The following CEP128 variants were observed in gnomAD, a reference collection of about 807,000 sequenced individuals.
CEP128 encodes centrosomal protein 128kDa.
In CEP128, 132 loss-of-function variants were observed where a neutral mutation model predicts 156.7. The observed-to-expected ratio is 0.84, with a 90% confidence interval of 0.73 to 0.97. The LOEUF is 0.97. Among genes scored for constraint, CEP128 ranks in the 50% least tolerant of loss-of-function variants. The pLI is 0.00. For synonymous variants in CEP128, 469 were observed against 448.9 expected (o/e 1.04, Z -0.57); for missense variants, 1,252 against 1,281.9 (o/e 0.98, Z 0.36).
At chr14:80,851,579 A>G (rs1336577515) in intron 9 of CEP128, among the ~76,000 whole-genome samples, 1 of 152,076 alleles carries the variant, frequency 6.6e-6, no homozygotes, top group Non-Finnish European at 1.5e-5. Context: ...AGCAAACAGA[A>G]AGTATAAAAA....
intron 4 of CEP128, among the ~76,000 whole-genome samples, chr14:80,908,894 T>C (rs947465017): frequency 6.6e-6 from 1 of 152,210 alleles, no homozygotes; most frequent in African/African-American, 2.4e-5. Flanking sequence ...TGAAGGCTGG[T>C]CTATTTTCAG....
chr14:80,722,849 G>A lies in CEP128; in HGVS notation c.2806+20226C>T, dbSNP rs1466131936. ...TTTTTTTTTTTTTTTTTTTTGAGACGGGAGTCTTGCTCTGTCGCCCAGGCT... is the reference window on the plus strand; with the variant it reads ...TTTTTTTTTTTTTTTTTTTTGAGACAGGAGTCTTGCTCTGTCGCCCAGGCT... On this transcript the variant is annotated intron_variant, in intron 19 of 24. Coordinates refer to ENST00000555265, the MANE Select transcript of CEP128 (RefSeq NM_152446.5). Among the ~76,000 whole-genome samples the A allele has an allele frequency of 2.8e-5, 4 of 142,386 alleles. No homozygotes were observed. In the Admixed American group the frequency reaches 3.0e-4, roughly 11 times the overall value. 93.4% of individuals were successfully genotyped at this position (142,386 alleles called of 152,430 possible). A position where few individuals can be genotyped will look rare whatever the true frequency, so the allele number is the denominator to read the frequency against.
intron 15 of CEP128, 152 bp from the exon 16 acceptor site, chr14:80,778,198 T>C (rs1425330317): frequency 4.4e-6 from 3 of 679,202 alleles, no homozygotes; most frequent in Non-Finnish European, 7.3e-6. Context: ...ACAAAGGAAA[T>C]GTTCTTTGCA....
chr14:80,515,575 G>A (rs1266548069), intron 23 of CEP128, among the ~76,000 whole-genome samples: 5 of 152,152 alleles, frequency 3.3e-5, no homozygotes, highest in African/African-American at 9.7e-5. Flanking sequence ...TCAGGTTGCG[G>A]TGAATGCTGC....
chr14:80,644,522 T>C (rs1894556371), intron 19 of CEP128, among the ~76,000 whole-genome samples: 1 of 152,196 alleles, frequency 6.6e-6, no homozygotes, highest in Non-Finnish European at 1.5e-5. Context: ...GTTTCTGTTA[T>C]TTCAAAAAGA....
chr14:80,820,754 G>A (rs1885120622), intron 13 of CEP128, among the ~76,000 whole-genome samples: 1 of 152,070 alleles, frequency 6.6e-6, no homozygotes, highest in Non-Finnish European at 1.5e-5. Flanking sequence ...ACCAGTATAA[G>A]GTTTACACTA....
chr14:80,728,595 A>G (rs1898108563), intron 19 of CEP128, among the ~76,000 whole-genome samples: 1 of 152,186 alleles, frequency 6.6e-6, no homozygotes. Flanking sequence ...ATGCATTGCT[A>G]TGGGATCTCT....
At chr14:80,656,224 G>C (rs1186291981) in intron 19 of CEP128, among the ~76,000 whole-genome samples, 1 of 132,882 alleles carries the variant, frequency 7.5e-6, no homozygotes, top group African/African-American at 2.7e-5. Context: ...AAGAAAAAAA[G>C]GTCAATTGAA....
chr14:80,693,622 A>C (rs1222853995), intron 19 of CEP128, among the ~76,000 whole-genome samples: 1 of 152,198 alleles, frequency 6.6e-6, no homozygotes, highest in Non-Finnish European at 1.5e-5. Flanking sequence ...TCTTTATTTT[A>C]AAAAAGAGAA....
intron 19 of CEP128, among the ~76,000 whole-genome samples, chr14:80,590,266 C>T (rs1347807578): frequency 1.3e-5 from 2 of 151,950 alleles, no homozygotes; most frequent in Admixed American, 1.3e-4. Context: ...CTATGTGAAC[C>T]CGAAAGAAGA....
chr14:80,884,963 G>C (rs1401738769), intron 8 of CEP128, among the ~76,000 whole-genome samples: 2 of 152,150 alleles, frequency 1.3e-5, no homozygotes, highest in African/African-American at 2.4e-5. Context: ...GTGGTGGGAG[G>C]GGCATCGCCA....
chr14:80,532,794 T>C (rs933425531), intron 21 of CEP128, among the ~76,000 whole-genome samples: 3 of 152,212 alleles, frequency 2.0e-5, no homozygotes, highest in Admixed American at 6.5e-5. Flanking sequence ...TGTCTTCTAG[T>C]TTTGACACGT....
Position 80,904,869 on chromosome 14 carries a change from G to A in CEP128, c.424C>T (p.Arg142Ter), listed in dbSNP as rs774385928. Residue 142 changes from arginine to a stop codon, truncating the protein, a stop_gained, in exon 6 of 25, where the codon CGA (arginine) becomes TGA (stop). Transcript: ENST00000555265. LOFTEE classifies it high-confidence loss of function. ...KDYGDPQGIK[R>*]MRSRTGVRFV... The stretch of plus-strand genomic sequence containing the variant: ...CGGACACCAGTTCTTGATCTCATTC[G>A]TTTAATACCCTGTGGATCCCCATAG... 6 of 1,612,310 alleles carry A rather than the reference G, an allele frequency of 3.7e-6. No individual in the cohort carries two copies. Among genetic ancestry groups the A allele is most frequent in the African/African-American group, 1.3e-5 (1 of 74,874 alleles).
chr14:80,838,461 G>A (rs372055043), intron 10 of CEP128, among the ~76,000 whole-genome samples, 183 bp from the exon 11 acceptor site: 12 of 152,172 alleles, frequency 7.9e-5, no homozygotes, highest in African/African-American at 1.4e-4. Flanking sequence ...AATGTGAATC[G>A]TATAACATAA....
intron 20 of CEP128, among the ~76,000 whole-genome samples, chr14:80,561,588 T>A (rs1890675051): frequency 6.6e-6 from 1 of 152,170 alleles, no homozygotes; most frequent in South Asian, 2.1e-4. Context: ...CAGCCCTATT[T>A]GGGCCTTAAG....
chr14:80,498,442 CAGA>C (rs1340552692), intron 24 of CEP128, among the ~76,000 whole-genome samples: 1 of 152,212 alleles, frequency 6.6e-6, no homozygotes, highest in Non-Finnish European at 1.5e-5. Flanking sequence ...CCAGTGAACT[CAGA>C]ATAAAATCCA....
chr14:80,701,956 C>T (rs1595246783), intron 19 of CEP128, among the ~76,000 whole-genome samples: 1 of 152,108 alleles, frequency 6.6e-6, no homozygotes, highest in Non-Finnish European at 1.5e-5. Context: ...CATTCTGGTG[C>T]TCACATTCTT....
In CEP128 at chr14:80,916,499, A is replaced by T. The variant is rs536338249; in HGVS notation, c.49T>A (p.Leu17Met). The change falls in exon 3 of 25, where the codon TTG becomes ATG. Residue 17 changes from leucine (L) to methionine (M), a missense_variant. Coordinates refer to ENST00000555265, the MANE Select transcript of CEP128 (RefSeq NM_152446.5). Reference protein sequence around the residue: ...ESDHFRCRDRLSPWAARSTHR... With the variant: ...ESDHFRCRDRMSPWAARSTHR... The stretch of plus-strand genomic sequence containing the variant: ...GTTGATCTGGCAGCCCATGGACTCA[A>T]TCGGTCACGACAGCGGAAGTGATCT... 1.3e-5 allele frequency: 21 copies of T among 1,613,976 alleles called. 1 individual carries two copies. The South Asian group carries it at 2.3e-4, about 18-fold the overall frequency.
intron 20 of CEP128, among the ~76,000 whole-genome samples, chr14:80,570,920 C>T (rs993743549): frequency 6.6e-6 from 1 of 151,856 alleles, no homozygotes; most frequent in African/African-American, 2.4e-5. Flanking sequence ...AAATTTAATG[C>T]CCAAATAAAA....
Sources: gnomAD v4.1 joint callset for allele counts (sites outside exome capture counted in the v4.1 genomes callset) on GRCh38, gnomAD v4.1.1 for gene constraint, MANE v1.5 for transcripts, NCBI Gene and HGNC (gene_info 2026-07-23, HGNC 2026-07-21) for gene names.